The following ZNF112 variants were observed in gnomAD, a reference collection of about 807,000 sequenced individuals.
ZNF112 encodes zinc finger protein 112 (Y14).
A neutral mutation model predicts 77.7 loss-of-function variants in ZNF112; 37 were observed. The ratio of observed to expected loss-of-function variants is 0.48; its 90% CI spans 0.37 to 0.63. The LOEUF (loss-of-function observed/expected upper bound fraction) is 0.63, where lower values mean the gene tolerates loss of function less well. Ranked by LOEUF, ZNF112 falls within the 20% of genes least tolerant of loss-of-function variation. The probability of loss-of-function intolerance (pLI) is 0.00; values close to 1 mark genes in which losing one functional copy is unlikely to be tolerated. For missense variants in ZNF112, 950 were observed against 1,077.4 expected (o/e 0.88, Z 1.66); for synonymous variants, 333 against 363.6 (o/e 0.92, Z 0.96).
intron 1 of ZNF112, among the ~76,000 whole-genome samples, chr19:44,347,485 ATT>A (rs757226424): frequency 0.054 from 2,159 of 40,316 alleles, 55 homozygotes; most frequent in African/African-American, 0.12. Flanking sequence ...TTTTGGGTTG[ATT>A]TTTTTTTTTT....
At chr19:44,344,638 G>A (rs1568671015) in intron 1 of ZNF112, among the ~76,000 whole-genome samples, 1 of 152,180 alleles carries the variant, frequency 6.6e-6, no homozygotes, top group Non-Finnish European at 1.5e-5. Flanking sequence ...ACAGTGCCCA[G>A]ATAGATGCCA....
chr19:44,346,931 C>G (rs1212964344), intron 1 of ZNF112, among the ~76,000 whole-genome samples: 1 of 152,174 alleles, frequency 6.6e-6, no homozygotes, highest in Non-Finnish European at 1.5e-5. Context: ...CTACAAATGT[C>G]AACGAGGTCA....
upstream of ZNF112, among the ~76,000 whole-genome samples, chr19:44,358,422 A>C (rs1970820708): frequency 6.6e-6 from 1 of 152,180 alleles, no homozygotes; most frequent in Non-Finnish European, 1.5e-5. Context: ...AAACTTTTTA[A>C]ATGTCAAAAG....
upstream of ZNF112, among the ~76,000 whole-genome samples, chr19:44,359,208 T>C (rs1018068651): frequency 6.6e-6 from 1 of 151,938 alleles, no homozygotes; most frequent in Non-Finnish European, 1.5e-5. Flanking sequence ...AGCTTCTAAG[T>C]TTTAGTAATT....
At chr19:44,361,747 C>CA (rs1970856650) in intron 1 of ZNF112, among the ~76,000 whole-genome samples, 2 of 152,048 alleles carry the variant, frequency 1.3e-5, no homozygotes. Context: ...ATGGAATGTA[C>CA]AACACAAAGA....
At position 44,337,425 on chromosome 19, in the gene ZNF112, T is replaced by A. The variant is rs28435146; in HGVS notation, c.125-707A>T. ...TATATTTTATATATAATAATATATA[T>A]TATATATATATGTCTGTACCCACAC... On this transcript the variant is annotated intron_variant, in intron 2 of 3. Transcript: ENST00000354340. Among the ~76,000 whole-genome samples, 2 of 77,446 alleles carry A rather than the reference T, an allele frequency of 2.6e-5. 1 individual carries two copies. Among genetic ancestry groups the A allele is most frequent in the Non-Finnish European group, 4.4e-5 (2 of 45,468 alleles). The allele number at this position is 77,446 out of a possible 152,430, so 50.8% of individuals were successfully genotyped here.
upstream of ZNF112, among the ~76,000 whole-genome samples, chr19:44,358,927 G>A (rs1448297613): frequency 6.6e-6 from 1 of 152,112 alleles, no homozygotes; most frequent in African/African-American, 2.4e-5. Flanking sequence ...GGGGTGGTGG[G>A]GGCAGGGAGA....
chr19:44,338,792 G>T (rs1043737921), intron 2 of ZNF112, among the ~76,000 whole-genome samples: 2 of 152,226 alleles, frequency 1.3e-5, no homozygotes, highest in Non-Finnish European at 2.9e-5. Flanking sequence ...GCTGGTCGTG[G>T]TGACTCATGC....
chr19:44,346,431 A>T (rs1367503111), intron 1 of ZNF112, among the ~76,000 whole-genome samples: 3 of 152,200 alleles, frequency 2.0e-5, no homozygotes. Flanking sequence ...CATCACTATG[A>T]AATAAATCTA....
chr19:44,329,663 C>T lies in ZNF112; in HGVS notation c.494G>A (p.Ser165Asn). Residue 165 changes from serine (S) to asparagine (N), a missense_variant, in exon 4 of 4, where the codon AGT becomes AAT. Transcript: ENST00000354340. The stretch of plus-strand genomic sequence containing the variant: ...TGCCCTCCAAGATGGATACCCTTGA[C>T]TTTTTATATAATTGGAGCCATTCCC... ...HIGNGSNYIK[S>N]QGYPSWRAHH... The T allele has an allele frequency of 6.2e-7, 1 of 1,614,118 alleles. No individual in the cohort carries two copies.
chr19:44,341,072 A>G (rs1170537428), intron 1 of ZNF112: 1 of 448,826 alleles, frequency 2.2e-6, no homozygotes, highest in Non-Finnish European at 4.4e-6. Flanking sequence ...GATCTTGGAC[A>G]AGTTTCCTAT....
chr19:44,328,415 C>T lies in ZNF112; in HGVS notation c.1742G>A (p.Gly581Glu), dbSNP rs750316822. Residue 581 changes from glycine to glutamate, a missense_variant, in exon 4 of 4, where the codon GGG becomes GAG. Physicochemically the swap from Gly to Glu is moderately conservative, Grantham distance 98. Coordinates refer to ENST00000354340, the MANE Select transcript of ZNF112 (RefSeq NM_013380.4). Reference sequence around the variant, plus strand: ...GTATGAATTTCGACTGAACCCCTTCCCACATTCCTCACATTTATAAGGTTT... The same window carrying T: ...GTATGAATTTCGACTGAACCCCTTCTCACATTCCTCACATTTATAAGGTTT... ...GEKPYKCEEC[G>E]KGFSRNSYLQ... 1.9e-5 allele frequency: 30 copies of T among 1,613,916 alleles called. No individual in the cohort carries two copies. The highest frequency in any genetic ancestry group is 2.3e-5 in the Non-Finnish European group (27 of 1,179,992).
At chr19:44,353,210 T>C (rs1384946101) in intron 1 of ZNF112, among the ~76,000 whole-genome samples, 1 of 152,038 alleles carries the variant, frequency 6.6e-6, no homozygotes, top group African/African-American at 2.4e-5. Flanking sequence ...GTCATTCATA[T>C]GTAAAGAAAT....
At chr19:44,364,345 C>T (rs1351694508) in intron 1 of ZNF112, among the ~76,000 whole-genome samples, 2 of 152,218 alleles carry the variant, frequency 1.3e-5, no homozygotes, top group East Asian at 3.9e-4. Flanking sequence ...GTATGTCTTC[C>T]TTTGTAAAGT....
intron 1 of ZNF112, 52 bp from the exon 2 acceptor site, chr19:44,340,594 A>G (rs1316694104): frequency 1.2e-6 from 2 of 1,612,496 alleles, no homozygotes; most frequent in African/African-American, 2.7e-5. Flanking sequence ...GGCAGTGCTG[A>G]GAAGGTGTAA....
At chr19:44,339,979 A>G (rs535265223) in intron 2 of ZNF112, among the ~76,000 whole-genome samples, 2 of 152,322 alleles carry the variant, frequency 1.3e-5, no homozygotes, top group East Asian at 3.9e-4. Flanking sequence ...CATAAATGAT[A>G]GAGCAAATAG....
intron 3 of ZNF112, among the ~76,000 whole-genome samples, chr19:44,331,858 T>A (rs953106132): frequency 1.8e-4 from 28 of 152,282 alleles, no homozygotes; most frequent in African/African-American, 6.5e-4. Flanking sequence ...GCTGAAAGGC[T>A]ATAGGAGACG....
At chr19:44,335,078 G>A (rs953740619) in intron 3 of ZNF112, among the ~76,000 whole-genome samples, 4 of 152,228 alleles carry the variant, frequency 2.6e-5, no homozygotes, top group Admixed American at 6.5e-5. Flanking sequence ...GCTATACCCT[G>A]CAGAGCCACA....
intron 2 of ZNF112, among the ~76,000 whole-genome samples, chr19:44,338,382 C>A (rs952860525): frequency 6.6e-6 from 1 of 152,152 alleles, no homozygotes; most frequent in Non-Finnish European, 1.5e-5. Flanking sequence ...CAGGAAAATA[C>A]TTGTGTTACC....
Sources: allele counts gnomAD v4.1 joint callset (sites outside exome capture counted in the v4.1 genomes callset), GRCh38; gene constraint gnomAD v4.1.1; transcripts MANE v1.5; gene names NCBI Gene and HGNC (gene_info 2026-07-23, HGNC 2026-07-21).